PCDHA4: variants seen among roughly 807,000 people sequenced by gnomAD.
PCDHA4 encodes protocadherin alpha-4.
Under a neutral mutation model 61.4 loss-of-function variants are expected in PCDHA4, and 49 were observed. That is an observed-to-expected ratio of 0.80 (90% CI 0.63 to 1.01). PCDHA4 has a LOEUF of 1.01. Among genes scored for constraint, PCDHA4 ranks in the 50% least tolerant of loss-of-function variants. The probability of loss-of-function intolerance (pLI) is 0.00; values close to 1 mark genes in which losing one functional copy is unlikely to be tolerated. For missense variants in PCDHA4, 1,254 were observed against 1,235.8 expected (o/e 1.01, Z -0.22); for synonymous variants, 590 against 550.3 (o/e 1.07, Z -1.01).
intron 1 of PCDHA4, among the ~76,000 whole-genome samples, chr5:140,948,646 G>T (rs1030231985): frequency 6.6e-6 from 1 of 151,616 alleles, no homozygotes; most frequent in South Asian, 2.1e-4. Context: ...ATCTTTTAAC[G>T]TCTGTATAAT....
intron 1 of PCDHA4, 102 bp from the exon 2 acceptor site, chr5:140,978,847 G>GA: frequency 6.4e-7 from 1 of 1,570,216 alleles, no homozygotes; most frequent in Non-Finnish European, 8.6e-7. Context: ...TACTTTTTTA[G>GA]ATGCCTGGAA....
At chr5:140,906,218 A>G (rs2072464720) in intron 1 of PCDHA4, among the ~76,000 whole-genome samples, 1 of 152,176 alleles carries the variant, frequency 6.6e-6, no homozygotes, top group African/African-American at 2.4e-5. Flanking sequence ...ATTAACCATC[A>G]CAAGTCCTCC....
intron 1 of PCDHA4, chr5:140,823,943 CG>C: frequency 1.9e-6 from 3 of 1,613,918 alleles, no homozygotes; most frequent in Non-Finnish European, 2.5e-6. Context: ...CTGCGGTGCT[CG>C]GCGCAGCCCA....
chr5:140,836,608 C>T (rs2150265408), intron 1 of PCDHA4: 1 of 1,613,636 alleles, frequency 6.2e-7, no homozygotes, highest in Non-Finnish European at 8.5e-7. Context: ...CTGGTGTGCT[C>T]CAGCGCGGTG....
intron 1 of PCDHA4, among the ~76,000 whole-genome samples, chr5:140,922,947 C>A (rs533564361): frequency 6.6e-6 from 1 of 152,178 alleles, no homozygotes; most frequent in South Asian, 2.1e-4. Context: ...AATGGAAATC[C>A]AGTTTGTCTT....
intron 1 of PCDHA4, chr5:140,821,684 A>C: frequency 7.4e-7 from 1 of 1,353,542 alleles, no homozygotes; most frequent in Non-Finnish European, 1.0e-6. Flanking sequence ...AAAGGCGATA[A>C]TATAAAAAAT....
intron 1 of PCDHA4, among the ~76,000 whole-genome samples, chr5:140,954,810 A>C (rs1169811573): frequency 6.6e-6 from 1 of 151,948 alleles, no homozygotes; most frequent in Non-Finnish European, 1.5e-5. Context: ...CTTTTGTTGA[A>C]ATTGCTTTAG....
intron 1 of PCDHA4, among the ~76,000 whole-genome samples, chr5:140,839,682 A>AT (rs1213854043): frequency 2.0e-5 from 3 of 152,030 alleles, no homozygotes; most frequent in Non-Finnish European, 4.4e-5. Flanking sequence ...AACTACAGAG[A>AT]TTTTTTTGGG....
rs1378161589 is a variant in PCDHA4 at position 140,853,784 on chromosome 5, G to A, written c.2385+44212G>A. Reference sequence around the variant, plus strand: ...AGAAATTCTGAAATGGGTAGTAAGAGCAAATTTTCATTTTAAAGCACACCT... The same window carrying A: ...AGAAATTCTGAAATGGGTAGTAAGAACAAATTTTCATTTTAAAGCACACCT... On this transcript the variant is annotated intron_variant, in intron 1 of 3. Coordinates refer to ENST00000530339, the MANE Select transcript of PCDHA4 (RefSeq NM_018907.4). The A allele has an allele frequency of 6.1e-6, 6 of 987,548 alleles. 1 individual carries two copies. Among genetic ancestry groups the A allele is most frequent in the Non-Finnish European group, 7.3e-6 (6 of 819,678 alleles). The allele number at this position is 987,548 out of a possible 1,614,324, so 61.2% of individuals were successfully genotyped here.
chr5:140,852,967 C>T (rs1446312366), intron 1 of PCDHA4: 3 of 408,074 alleles, frequency 7.4e-6, no homozygotes, highest in South Asian at 2.0e-4. Flanking sequence ...CAAGCTCCCC[C>T]TCCCGTGTTC....
At chr5:140,862,592 A>T (rs1554156626) in intron 1 of PCDHA4, 1 of 507,612 alleles carries the variant, frequency 2.0e-6, no homozygotes, top group Non-Finnish European at 4.0e-6. Context: ...CAGCCCGAGT[A>T]CATGGTGTTC....
chr5:140,824,010 G>C (rs1554129688), intron 1 of PCDHA4: 1 of 1,614,148 alleles, frequency 6.2e-7, no homozygotes, highest in South Asian at 1.1e-5. Flanking sequence ...GCGCGGTGGG[G>C]AGCTGGTCGT....
chr5:140,809,287 G>T lies in PCDHA4; in HGVS notation c.2100G>T (p.Leu700=). 6.2e-7 allele frequency: 1 copy of T among 1,614,112 alleles called. No homozygotes were observed. Among genetic ancestry groups the T allele is most frequent in the South Asian group, 1.1e-5 (1 of 91,090 alleles). ...DAALVDVNVY[L]IIAICAVSSL... is the part of the protein sequence containing the mutation. Reference sequence around the variant, plus strand: ...CGCTGGTGGATGTCAACGTATACCTGATCATTGCCATCTGCGCGGTGTCCA... The same window carrying T: ...CGCTGGTGGATGTCAACGTATACCTTATCATTGCCATCTGCGCGGTGTCCA... The change falls in exon 1 of 4, where the codon CTG becomes CTT. Residue 700 remains leucine (L), a synonymous_variant. Coordinates refer to ENST00000530339, the MANE Select transcript of PCDHA4 (RefSeq NM_018907.4).
chr5:140,944,807 A>G (rs1472832230), intron 1 of PCDHA4, among the ~76,000 whole-genome samples: 1 of 152,214 alleles, frequency 6.6e-6, no homozygotes, highest in Non-Finnish European at 1.5e-5. Context: ...TCGAGGGTCC[A>G]CAGTGATCTT....
At position 141,010,334 on chromosome 5, in the gene PCDHA4, T is replaced by C; in HGVS notation, c.*397T>C. On this transcript the variant is annotated 3_prime_UTR_variant, in exon 4 of 4. Transcript: ENST00000530339. The stretch of plus-strand genomic sequence containing the variant: ...TGAGATTGAGCAGCTTGGGAGTTTG[T>C]GGCCACTGGGTATGTGTGGCTACCG... The C allele has an allele frequency of 2.0e-6, 3 of 1,537,004 alleles. No homozygotes were observed. The East Asian group carries it at 7.4e-5, about 38-fold the overall frequency.
chr5:140,872,950 G>A lies in PCDHA4; in HGVS notation c.2385+63378G>A, dbSNP rs185090422. ...AATGTTTTTGAAATTTTCTTTCCAC[G>A]TAGTATCATCCCATCTGAAGATTTG... On this transcript the variant is annotated intron_variant, in intron 1 of 3. Transcript: ENST00000530339. Among the ~76,000 whole-genome samples, 445 of 152,104 alleles carry A rather than the reference G, an allele frequency of 2.9e-3. 2 individuals carry two copies. Among genetic ancestry groups the A allele is most frequent in the Middle Eastern group, 0.014 (4 of 294 alleles).
chr5:141,002,679 G>A (rs1554258764), intron 3 of PCDHA4, among the ~76,000 whole-genome samples: 1 of 152,134 alleles, frequency 6.6e-6, no homozygotes, highest in Non-Finnish European at 1.5e-5. Context: ...AAACCTATAC[G>A]ACGTGCAGAT....
chr5:140,964,857 CAA>C (rs1352009406), intron 1 of PCDHA4, among the ~76,000 whole-genome samples: 5 of 152,088 alleles, frequency 3.3e-5, no homozygotes, highest in Admixed American at 3.3e-4. Context: ...CTTGAGGAAA[CAA>C]AGAGGACAAA....
chr5:141,002,917 T>C (rs572461368), intron 3 of PCDHA4, among the ~76,000 whole-genome samples: 1 of 152,310 alleles, frequency 6.6e-6, no homozygotes, highest in East Asian at 1.9e-4. Context: ...ATCAGAAAAG[T>C]GAACACCCTC....
Sources: gnomAD v4.1 joint callset for allele counts (sites outside exome capture counted in the v4.1 genomes callset) on GRCh38, gnomAD v4.1.1 for gene constraint, MANE v1.5 for transcripts, NCBI Gene and HGNC (gene_info 2026-07-23, HGNC 2026-07-21) for gene names.